Variants in MICAL3 observed in about 807,000 individuals in gnomAD.
The protein encoded by MICAL3 is [F-actin]-monooxygenase MICAL3.
A neutral mutation model predicts 207.4 loss-of-function variants in MICAL3; 62 were observed. That is an observed-to-expected ratio of 0.30 (90% CI 0.24 to 0.37). MICAL3 has a LOEUF of 0.37. Among genes scored for constraint, MICAL3 ranks in the 10% least tolerant of loss-of-function variants. The probability of loss-of-function intolerance (pLI) is 1.00; values close to 1 mark genes in which losing one functional copy is unlikely to be tolerated. For missense variants in MICAL3, 2,368 were observed against 2,635.6 expected, an observed-to-expected ratio of 0.90 and a Z score of 2.22; for synonymous variants, 1,077 against 1,069.3, an observed-to-expected ratio of 1.01 and a Z score of -0.14.
At chr22:17,970,138 T>C (rs1030494630) in intron 1 of MICAL3, among the ~76,000 whole-genome samples, 1 of 152,236 alleles carries the variant, frequency 6.6e-6, no homozygotes, top group African/African-American at 2.4e-5. Flanking sequence ...GAGTGGGGTC[T>C]GTGGGCTCTT....
chr22:17,960,009 G>A (rs902074175), intron 1 of MICAL3, among the ~76,000 whole-genome samples: 2 of 152,178 alleles, frequency 1.3e-5, no homozygotes, highest in African/African-American at 4.8e-5. Flanking sequence ...AGCACTTAAC[G>A]TCTGTGGATA....
intron 16 of MICAL3, chr22:17,881,212 C>T: frequency 6.2e-7 from 1 of 1,612,338 alleles, no homozygotes; most frequent in Non-Finnish European, 8.5e-7. Context: ...CACCTGCTGG[C>T]CGCCATGTGC....
chr22:18,003,370 C>T (rs1397870068), intron 1 of MICAL3, among the ~76,000 whole-genome samples: 2 of 152,076 alleles, frequency 1.3e-5, no homozygotes, highest in African/African-American at 2.4e-5. Flanking sequence ...ACCCCTTTCT[C>T]TTCCTTCTCC....
chr22:17,991,146 C>T (rs1238685105), intron 1 of MICAL3, among the ~76,000 whole-genome samples: 1 of 152,186 alleles, frequency 6.6e-6, no homozygotes, highest in Non-Finnish European at 1.5e-5. Flanking sequence ...ACTGACAGCC[C>T]GTGACAGCAC....
At chr22:17,871,458 C>T (rs1338485527) in intron 17 of MICAL3, among the ~76,000 whole-genome samples, 1 of 152,210 alleles carries the variant, frequency 6.6e-6, no homozygotes, top group Non-Finnish European at 1.5e-5. Context: ...CTGTCATCAT[C>T]AACCTTAGGC....
At chr22:17,954,261 C>A (rs7290544) in intron 1 of MICAL3, among the ~76,000 whole-genome samples, 11,826 of 152,168 alleles carry the variant, frequency 0.078, 662 homozygotes, top group African/African-American at 0.16. Flanking sequence ...GGTGCAGGGA[C>A]CATCGCATTG....
chr22:17,810,387 G>A (rs1201912716), intron 28 of MICAL3, among the ~76,000 whole-genome samples: 2 of 151,874 alleles, frequency 1.3e-5, no homozygotes, highest in African/African-American at 4.8e-5. Flanking sequence ...TAGTAGAGAC[G>A]GGGTTTTGCC....
At chr22:17,950,710 C>CT in intron 1 of MICAL3, among the ~76,000 whole-genome samples, 1 of 152,308 alleles carries the variant, frequency 6.6e-6, no homozygotes, top group Non-Finnish European at 1.5e-5. Flanking sequence ...CAGGACAACT[C>CT]CCTTTGAAGA....
At chr22:17,950,339 T>TG (rs1441043074) in intron 1 of MICAL3, among the ~76,000 whole-genome samples, 32 of 101,846 alleles carry the variant, frequency 3.1e-4, no homozygotes, top group Non-Finnish European at 4.4e-4. Context: ...TTGTTTTTGT[T>TG]TTTTTTTTTT....
Position 17,817,488 on chromosome 22 carries a change from T to C in MICAL3, c.5173A>G (p.Ser1725Gly), listed in dbSNP as rs1421793605. The C allele has an allele frequency of 1.9e-6, 3 of 1,613,766 alleles. No homozygotes were observed. In the East Asian group the frequency reaches 6.7e-5, roughly 36 times the overall value. ...GCGGCTTCTTCTAGGAGGTTGGAGCTGGGCTTCTCCGGGGGCCGGCCCTCG... is the reference window on the plus strand; with the variant it reads ...GCGGCTTCTTCTAGGAGGTTGGAGCCGGGCTTCTCCGGGGGCCGGCCCTCG... The part of the protein sequence containing the change: ...KGEGRPPEKP[S>G]SNLLEEAAAK... Residue 1725 changes from serine (S) to glycine (G), a missense_variant, in exon 26 of 32, where the codon AGC (serine) becomes GGC (glycine). This residue lies in a region of MICAL3 where 1,770 missense variants were observed against 1,863.2 expected (regional missense o/e 0.95). Coordinates refer to ENST00000441493, the MANE Select transcript of MICAL3 (RefSeq NM_015241.3).
intron 1 of MICAL3, among the ~76,000 whole-genome samples, chr22:17,920,258 C>T (rs73388435): frequency 0.054 from 8,179 of 152,274 alleles, 769 homozygotes; most frequent in African/African-American, 0.19. Context: ...GCTGTACCTG[C>T]CCCGTCATCT....
chr22:17,974,462 A>C (rs991498795), intron 1 of MICAL3, among the ~76,000 whole-genome samples: 1 of 152,218 alleles, frequency 6.6e-6, no homozygotes, highest in Non-Finnish European at 1.5e-5. Flanking sequence ...CTATAATCCC[A>C]ACACTTTGGG....
intron 16 of MICAL3, among the ~76,000 whole-genome samples, chr22:17,877,141 TTATG>T (rs1476194711): frequency 7.1e-6 from 1 of 141,656 alleles, no homozygotes; most frequent in African/African-American, 2.8e-5. Context: ...GTTAGGGAGG[TTATG>T]GAGGTTAGGG....
intron 18 of MICAL3, 34 bp downstream of exon 18, chr22:17,865,890 G>C: frequency 6.4e-7 from 1 of 1,557,522 alleles, no homozygotes; most frequent in South Asian, 1.1e-5. Flanking sequence ...AACACCCACT[G>C]CTTCTCCCCC....
chr22:17,962,139 G>C (rs1208839367), intron 1 of MICAL3, among the ~76,000 whole-genome samples: 3 of 152,328 alleles, frequency 2.0e-5, no homozygotes, highest in Middle Eastern at 3.4e-3. Flanking sequence ...CATATCACAT[G>C]GCGTGTGACG....
chr22:17,810,582 G>A (rs935196432), intron 28 of MICAL3, 121 bp downstream of exon 28: 9 of 737,372 alleles, frequency 1.2e-5, no homozygotes, highest in Admixed American at 2.4e-5. Flanking sequence ...TGGCAGGGAG[G>A]CCCGTCTACC....
At chr22:17,856,356 T>C (rs990957365) in intron 19 of MICAL3, among the ~76,000 whole-genome samples, 5 of 152,162 alleles carry the variant, frequency 3.3e-5, no homozygotes, top group African/African-American at 1.2e-4. Flanking sequence ...GCATGAAGGA[T>C]TGCTGCTGGC....
intron 20 of MICAL3, among the ~76,000 whole-genome samples, chr22:17,836,519 C>T (rs1923387416): frequency 6.6e-6 from 1 of 152,134 alleles, no homozygotes; most frequent in Non-Finnish European, 1.5e-5. Context: ...TGGCTACTGT[C>T]AGGAAGAAGG....
chr22:17,829,840 C>T (rs565563352), intron 21 of MICAL3, among the ~76,000 whole-genome samples: 1 of 152,122 alleles, frequency 6.6e-6, no homozygotes, highest in Non-Finnish European at 1.5e-5. Flanking sequence ...ACTTCTGGAG[C>T]CTTCTCCAAC....
Sources: allele counts gnomAD v4.1 joint callset (sites outside exome capture counted in the v4.1 genomes callset), GRCh38; gene constraint gnomAD v4.1.1; regional missense constraint gnomAD v4.1.1; transcripts MANE v1.5; gene names NCBI Gene and HGNC (gene_info 2026-07-23, HGNC 2026-07-21).